The following RBMS3 variants were observed in gnomAD, a reference collection of about 807,000 sequenced individuals.
The protein encoded by RBMS3 is RNA-binding motif, single-stranded-interacting protein 3.
In RBMS3, 27 loss-of-function variants were observed where a neutral mutation model predicts 66.8. The observed-to-expected ratio is 0.40, with a 90% CI of 0.30 to 0.56. The LOEUF is 0.56. RBMS3 is among the 20% of genes least tolerant of loss of function. The pLI, the probability that RBMS3 is intolerant of heterozygous loss-of-function variation, is 0.40. For synonymous variants in RBMS3, 188 were observed against 183.0 expected, an observed-to-expected ratio of 1.03 and a Z score of -0.22; for missense variants, 513 against 549.5, an observed-to-expected ratio of 0.93 and a Z score of 0.66.
chr3:29,463,923 C>T (rs545297046), intron 2 of RBMS3, among the ~76,000 whole-genome samples: 3 of 152,148 alleles, frequency 2.0e-5, no homozygotes, highest in Non-Finnish European at 4.4e-5. Context: ...TGCTGCCCTG[C>T]CTTCCATTGT....
chr3:29,753,502 C>T (rs777880238), intron 5 of RBMS3, among the ~76,000 whole-genome samples: 8 of 152,072 alleles, frequency 5.3e-5, no homozygotes, highest in African/African-American at 9.7e-5. Flanking sequence ...ATCTAAACAC[C>T]GGAAAAAATG....
chr3:29,659,846 C>A (rs1253487122), intron 4 of RBMS3, among the ~76,000 whole-genome samples: 8 of 152,124 alleles, frequency 5.3e-5, no homozygotes, highest in African/African-American at 7.2e-5. Flanking sequence ...TACATTCTCA[C>A]CAACTGTGCA....
intron 4 of RBMS3, among the ~76,000 whole-genome samples, chr3:29,676,022 A>T (rs1349669776): frequency 6.6e-6 from 1 of 152,232 alleles, no homozygotes; most frequent in African/African-American, 2.4e-5. Flanking sequence ...CTTGGAACCA[A>T]CCAAGATGTC....
intron 6 of RBMS3, among the ~76,000 whole-genome samples, chr3:29,861,462 A>G (rs2059215115): frequency 6.6e-6 from 1 of 152,220 alleles, no homozygotes; most frequent in South Asian, 2.1e-4. Context: ...TACAAACACT[A>G]GAATAACTTA....
intron 12 of RBMS3, among the ~76,000 whole-genome samples, chr3:29,986,394 G>T (rs1044286213): frequency 6.6e-6 from 1 of 152,040 alleles, no homozygotes; most frequent in African/African-American, 2.4e-5. Context: ...CCTTTAATAG[G>T]CTTCTTCTGT....
At chr3:29,317,986 C>G (rs1559483664) in intron 1 of RBMS3, among the ~76,000 whole-genome samples, 1 of 151,576 alleles carries the variant, frequency 6.6e-6, no homozygotes, top group Non-Finnish European at 1.5e-5. Flanking sequence ...ATTTTTTTCC[C>G]AAGAATTCCT....
chr3:29,611,331 G>A (rs1036767457), intron 4 of RBMS3, among the ~76,000 whole-genome samples: 1 of 151,976 alleles, frequency 6.6e-6, no homozygotes, highest in African/African-American at 2.4e-5. Flanking sequence ...GGTAAAACAC[G>A]TTGGTGCCTG....
At chr3:29,821,670 G>A (rs1052848252) in intron 6 of RBMS3, among the ~76,000 whole-genome samples, 7 of 152,122 alleles carry the variant, frequency 4.6e-5, no homozygotes, top group Non-Finnish European at 8.8e-5. Flanking sequence ...ATTATTCTCT[G>A]GAAAGTACAA....
intron 14 of RBMS3, among the ~76,000 whole-genome samples, chr3:29,996,902 A>C (rs1699279802): frequency 1.3e-5 from 2 of 152,144 alleles, no homozygotes; most frequent in African/African-American, 4.8e-5. Context: ...GCAGAAGGCA[A>C]GAAATAACTA....
intron 6 of RBMS3, among the ~76,000 whole-genome samples, chr3:29,827,476 T>C (rs1362373828): frequency 2.6e-5 from 4 of 152,318 alleles, no homozygotes; most frequent in East Asian, 1.9e-4. Flanking sequence ...TAAAAGTTTT[T>C]GATCTCCAGG....
At chr3:29,318,876 G>A (rs780349973) in intron 1 of RBMS3, among the ~76,000 whole-genome samples, 6 of 151,786 alleles carry the variant, frequency 4.0e-5, no homozygotes, top group East Asian at 3.9e-4. Context: ...TACTAGGGGG[G>A]CATAAAGGGA....
intron 1 of RBMS3, among the ~76,000 whole-genome samples, chr3:29,417,735 T>C (rs1463491081): frequency 1.3e-5 from 2 of 152,180 alleles, no homozygotes; most frequent in African/African-American, 2.4e-5. Context: ...TGGAATATTA[T>C]TCCATTTAGA....
chr3:29,563,680 AAAAC>A (rs2046635334), intron 3 of RBMS3, among the ~76,000 whole-genome samples: 1 of 152,212 alleles, frequency 6.6e-6, no homozygotes, highest in South Asian at 2.1e-4. Context: ...ACTTTTTAAA[AAAAC>A]TTCCTGTTTC....
At chr3:29,881,825 G>C (rs766177663) in intron 7 of RBMS3, among the ~76,000 whole-genome samples, 1 of 152,168 alleles carries the variant, frequency 6.6e-6, no homozygotes, top group Non-Finnish European at 1.5e-5. Context: ...AAGACAGTTT[G>C]TAATTCAGGA....
At chr3:29,414,366 C>G (rs1388709482) in intron 1 of RBMS3, among the ~76,000 whole-genome samples, 1 of 152,210 alleles carries the variant, frequency 6.6e-6, no homozygotes, top group Non-Finnish European at 1.5e-5. Flanking sequence ...CTGCTTCTTA[C>G]TGCACTTTCA....
chr3:29,536,201 G>A (rs2045551510), intron 3 of RBMS3, among the ~76,000 whole-genome samples: 1 of 152,050 alleles, frequency 6.6e-6, no homozygotes, highest in African/African-American at 2.4e-5. Context: ...TGGTAGACAG[G>A]CATGCTCCAC....
intron 2 of RBMS3, among the ~76,000 whole-genome samples, chr3:29,448,786 A>G (rs2041920828): frequency 6.6e-6 from 1 of 152,104 alleles, no homozygotes; most frequent in African/African-American, 2.4e-5. Flanking sequence ...TTAATTATCA[A>G]CCCCTCCAAT....
chr3:29,662,017 C>A (rs2050572632), intron 4 of RBMS3, among the ~76,000 whole-genome samples: 1 of 152,166 alleles, frequency 6.6e-6, no homozygotes, highest in African/African-American at 2.4e-5. Flanking sequence ...AACCAACAGT[C>A]CTATTTATCA....
At chr3:29,661,073 C>G (rs1411536157) in intron 4 of RBMS3, among the ~76,000 whole-genome samples, 2 of 152,334 alleles carry the variant, frequency 1.3e-5, no homozygotes, top group South Asian at 4.1e-4. Flanking sequence ...GTACAGCTAC[C>G]TGCCACGAGG....
Sources: gnomAD v4.1 joint callset for allele counts (sites outside exome capture counted in the v4.1 genomes callset) on GRCh38, gnomAD v4.1.1 for gene constraint, MANE v1.5 for transcripts, NCBI Gene and HGNC (gene_info 2026-07-23, HGNC 2026-07-21) for gene names.